The following RRAGD variants were observed in gnomAD, a reference collection of about 807,000 sequenced individuals.
RRAGD encodes the protein ras-related GTP-binding protein D.
Under a neutral mutation model 35.5 loss-of-function variants are expected in RRAGD, and 12 were observed. The ratio of observed to expected loss-of-function variants is 0.34; its 90% CI spans 0.22 to 0.55. The LOEUF (loss-of-function observed/expected upper bound fraction) is 0.55, where lower values mean the gene tolerates loss of function less well. Ranked by LOEUF, RRAGD falls within the 20% of genes least tolerant of loss-of-function variation. The probability of loss-of-function intolerance (pLI) is 0.91; values close to 1 mark genes in which losing one functional copy is unlikely to be tolerated. For synonymous variants in RRAGD, 155 were observed against 178.9 expected (o/e 0.87, Z 1.07); for missense variants, 324 against 490.1 (o/e 0.66, Z 3.20).
At chr6:89,391,286 A>T (rs1438676781) in intron 1 of RRAGD, among the ~76,000 whole-genome samples, 2 of 151,206 alleles carry the variant, frequency 1.3e-5, no homozygotes, top group Non-Finnish European at 3.0e-5. Context: ...TCAGGAGACC[A>T]AGGTGGAAGG....
At chr6:89,398,600 G>A (rs570649509) in intron 1 of RRAGD, among the ~76,000 whole-genome samples, 42 of 152,342 alleles carry the variant, frequency 2.8e-4, no homozygotes, top group African/African-American at 7.9e-4. Flanking sequence ...TGTAAGCAAA[G>A]GCACAATGCC....
At chr6:89,389,574 AAAG>A (rs1212904140) in intron 1 of RRAGD, among the ~76,000 whole-genome samples, 3 of 151,728 alleles carry the variant, frequency 2.0e-5, no homozygotes, top group Non-Finnish European at 4.4e-5. Flanking sequence ...AAAAAAAAAA[AAAG>A]AAGTTGGTGT....
chr6:89,381,117 T>C (rs1313731749), intron 2 of RRAGD, among the ~76,000 whole-genome samples: 3 of 152,172 alleles, frequency 2.0e-5, no homozygotes, highest in Non-Finnish European at 4.4e-5. Flanking sequence ...ACTGGTTCAG[T>C]GCAGAAGTCA....
intron 1 of RRAGD, among the ~76,000 whole-genome samples, chr6:89,407,274 C>T (rs1769598946): frequency 6.6e-6 from 1 of 151,938 alleles, no homozygotes; most frequent in Non-Finnish European, 1.5e-5. Flanking sequence ...GGCTCTGGCA[C>T]AGGAGGGAGA....
chr6:89,392,925 A>T (rs1164036323), intron 1 of RRAGD, among the ~76,000 whole-genome samples: 1 of 152,230 alleles, frequency 6.6e-6, no homozygotes, highest in East Asian at 1.9e-4. Context: ...TGCTGATGAC[A>T]TACAGTATAG....
intron 4 of RRAGD, among the ~76,000 whole-genome samples, chr6:89,378,251 G>A (rs1259746604): frequency 2.6e-5 from 4 of 151,356 alleles, no homozygotes; most frequent in African/African-American, 2.4e-5. Context: ...GCGGTGAGCC[G>A]AGATGGCGCC....
intron 1 of RRAGD, among the ~76,000 whole-genome samples, chr6:89,409,278 C>G (rs1037196487): frequency 2.0e-5 from 3 of 152,192 alleles, no homozygotes; most frequent in African/African-American, 7.2e-5. Context: ...TGCAACTTAA[C>G]TGGCAATACT....
At chr6:89,410,273 C>T (rs540801037) in intron 1 of RRAGD, among the ~76,000 whole-genome samples, 1 of 152,322 alleles carries the variant, frequency 6.6e-6, no homozygotes, top group African/African-American at 2.4e-5. Context: ...TCCGCCCCCC[C>T]ACTTTTTTTC....
Position 89,367,967 on chromosome 6 carries a change from A to T in RRAGD, c.*89T>A. The T allele has an allele frequency of 2.6e-6, 3 of 1,163,278 alleles. No individual in the cohort carries two copies. Among genetic ancestry groups the T allele is most frequent in the African/African-American group, 1.5e-5 (1 of 65,028 alleles). 72.1% of individuals were successfully genotyped at this position (1,163,278 alleles called of 1,614,324 possible). On this transcript the variant is annotated 3_prime_UTR_variant, in exon 7 of 7. Coordinates refer to ENST00000369415, the MANE Select transcript of RRAGD (RefSeq NM_021244.5). ...ACAACAAATCAATGGTATGTGTCCC[A>T]ATCTCCTTCTTCCTCTTCCTTTAGT...
At chr6:89,391,001 G>A (rs1010550547) in intron 1 of RRAGD, among the ~76,000 whole-genome samples, 80 of 151,958 alleles carry the variant, frequency 5.3e-4, no homozygotes, top group Non-Finnish European at 1.5e-5. Flanking sequence ...ACTTCTACAC[G>A]AATGTTCACA....
Position 89,412,144 on chromosome 6 carries a change from C to G in RRAGD, c.-151G>C. ...GAAGCGGGGGCCGCGCGTCCCCCGG[C>G]GGGCGGCGCCCAGGTCCGGGTCCCG... On this transcript the variant is annotated 5_prime_UTR_variant, in exon 1 of 7. Coordinates refer to ENST00000369415, the MANE Select transcript of RRAGD (RefSeq NM_021244.5). The surrounding 1 kb of genome is among the most constrained non-coding windows in gnomAD (Gnocchi z 4.2). The G allele has an allele frequency of 5.8e-6, 4 of 691,994 alleles. No homozygotes were observed. Among genetic ancestry groups the G allele is most frequent in the Non-Finnish European group, 8.1e-6 (4 of 494,898 alleles). The allele number at this position is 691,994 out of a possible 1,614,324, so 42.9% of individuals were successfully genotyped here. A position where few individuals can be genotyped will look rare whatever the true frequency, so the allele number is the denominator to read the frequency against.
chr6:89,389,555 CAA>C (rs767352705), intron 1 of RRAGD, among the ~76,000 whole-genome samples: 5 of 58,168 alleles, frequency 8.6e-5, no homozygotes, highest in Admixed American at 1.8e-4. Context: ...GACTCCGTCT[CAA>C]AAAAAAAAAA....
chr6:89,401,303 G>A (rs1769455857), intron 1 of RRAGD, among the ~76,000 whole-genome samples: 1 of 151,920 alleles, frequency 6.6e-6, no homozygotes, highest in South Asian at 2.1e-4. Context: ...TATTGCCCAG[G>A]CTAGAGTGCT....
At chr6:89,376,414 G>A (rs967444533) in intron 5 of RRAGD, among the ~76,000 whole-genome samples, 4 of 151,886 alleles carry the variant, frequency 2.6e-5, no homozygotes, top group Non-Finnish European at 5.9e-5. Context: ...ATGGAGACTA[G>A]ACTCTCACAA....
At chr6:89,397,747 T>G (rs1769366916) in intron 1 of RRAGD, among the ~76,000 whole-genome samples, 1 of 152,264 alleles carries the variant, frequency 6.6e-6, no homozygotes, top group Non-Finnish European at 1.5e-5. Context: ...TCTCTAATTA[T>G]GCCTAATGAA....
chr6:89,411,707 C>T lies in RRAGD; in HGVS notation c.148+139G>A. The T allele has an allele frequency of 1.0e-6, 1 of 970,846 alleles. No homozygotes were observed. Among genetic ancestry groups the T allele is most frequent in the Non-Finnish European group, 1.5e-6 (1 of 681,194 alleles). 60.1% of individuals were successfully genotyped at this position (970,846 alleles called of 1,614,324 possible). On this transcript the variant is annotated intron_variant, in intron 1 of 6. Coordinates refer to ENST00000369415, the MANE Select transcript of RRAGD (RefSeq NM_021244.5). The surrounding 1 kb of genome is among the most constrained non-coding windows in gnomAD (Gnocchi z 5.6). ...CGAGGTCGGGCTTTTGGCGTCCCTC[C>T]CCACCCCAAACCCTCAACTGGACCC... is the stretch of plus-strand genomic sequence containing the variant.
At chr6:89,386,541 C>G (rs1478042751) in intron 2 of RRAGD, among the ~76,000 whole-genome samples, 1 of 152,196 alleles carries the variant, frequency 6.6e-6, no homozygotes, top group African/African-American at 2.4e-5. Context: ...TGTTGTTAAA[C>G]TACTAAAAAT....
chr6:89,407,826 C>T (rs1417686892), intron 1 of RRAGD, among the ~76,000 whole-genome samples: 2 of 151,972 alleles, frequency 1.3e-5, no homozygotes, highest in Non-Finnish European at 2.9e-5. Context: ...GTCATCGGCT[C>T]TTATCCAGAA....
At chr6:89,402,038 A>ATT (rs71556520) in intron 1 of RRAGD, among the ~76,000 whole-genome samples, 5,248 of 78,360 alleles carry the variant, frequency 0.067, 412 homozygotes, top group Non-Finnish European at 0.091. Flanking sequence ...AATCCTAAGG[A>ATT]TTTTTTTTTT....
Sources: gnomAD v4.1 joint callset for allele counts (sites outside exome capture counted in the v4.1 genomes callset) on GRCh38, gnomAD v4.1.1 for gene constraint, Gnocchi (gnomAD v3.1) non-coding constraint, MANE v1.5 for transcripts, NCBI Gene and HGNC (gene_info 2026-07-23, HGNC 2026-07-21) for gene names.